The following ZNF350 variants were observed in gnomAD, a reference collection of about 807,000 sequenced individuals.
ZNF350 encodes the protein KRAB zinc finger protein ZFQR.
ZNF350 carries 5 observed loss-of-function variants against 13.1 expected under a neutral mutation model. The ratio of observed to expected loss-of-function variants is 0.38; its 90% CI spans 0.20 to 0.80. The LOEUF (loss-of-function observed/expected upper bound fraction) is 0.80. Ranked by LOEUF, ZNF350 falls within the 30% of genes least tolerant of loss-of-function variation. The pLI, the probability that ZNF350 is intolerant of heterozygous loss-of-function variation, is 0.43. For missense variants in ZNF350, 534 were observed against 644.2 expected (o/e 0.83, Z 1.85); for synonymous variants, 199 against 224.2 (o/e 0.89, Z 1.00).
At chr19:51,972,293 TAAAA>T (rs748068937) in intron 2 of ZNF350, among the ~76,000 whole-genome samples, 4 of 106,208 alleles carry the variant, frequency 3.8e-5, no homozygotes, top group Non-Finnish European at 8.2e-5. Context: ...CCATCTCAAT[TAAAA>T]AAAAAAAAAA....
chr19:51,974,036 G>A (rs777327177), intron 2 of ZNF350: 6 of 249,536 alleles, frequency 2.4e-5, no homozygotes, highest in Non-Finnish European at 4.7e-5. Flanking sequence ...GACATACCAT[G>A]TAAATTATGA....
chr19:51,984,240 A>AC (rs1032954104), intron 1 of ZNF350: 1 of 151,418 alleles, frequency 6.6e-6, no homozygotes, highest in African/African-American at 2.4e-5. Context: ...GAAAGTTAAA[A>AC]CCCCCCTCAC....
chr19:51,975,242 G>A (rs989817704), intron 1 of ZNF350, among the ~76,000 whole-genome samples: 12 of 152,056 alleles, frequency 7.9e-5, no homozygotes, highest in African/African-American at 2.9e-4. Context: ...GCCGAGGCGG[G>A]TGGATCACCT....
At chr19:51,967,989 G>T (rs2085626654) in intron 4 of ZNF350, among the ~76,000 whole-genome samples, 1 of 152,304 alleles carries the variant, frequency 6.6e-6, no homozygotes, top group Non-Finnish European at 1.5e-5. Context: ...GGAGCGGAAG[G>T]AGTTTAAACT....
chr19:51,965,587 G>C lies in ZNF350; in HGVS notation c.866C>G (p.Pro289Arg). Reference sequence around the variant, plus strand: ...TTTTCCACATTCACTGCATATATAGGGTTTCTCTCCGGTATGTGTTTTCTG... The same window carrying C: ...TTTTCCACATTCACTGCATATATAGCGTTTCTCTCCGGTATGTGTTTTCTG... ...IHQKTHTGEK[P>R]YICSECGKGF... The change falls in exon 5 of 5, where the codon CCC becomes CGC. Residue 289 changes from proline (P) to arginine (R), a missense_variant. Coordinates refer to ENST00000243644, the MANE Select transcript of ZNF350 (RefSeq NM_021632.4). 3 of 1,614,062 alleles carry C rather than the reference G, an allele frequency of 1.9e-6. No individual in the cohort carries two copies. The highest frequency in any genetic ancestry group is 2.5e-6 in the Non-Finnish European group (3 of 1,180,020).
chr19:51,970,592 C>A (rs1047897659), intron 2 of ZNF350, among the ~76,000 whole-genome samples: 5 of 152,108 alleles, frequency 3.3e-5, no homozygotes, highest in African/African-American at 9.7e-5. Flanking sequence ...ATCCAGGCCT[C>A]CTATTTTTCT....
At position 51,965,836 on chromosome 19, in the gene ZNF350, T is replaced by C; in HGVS notation, c.617A>G (p.His206Arg). The stretch of plus-strand genomic sequence containing the variant: ...GGCTTTCCCACATTCACTGCACACA[T>C]GATGCTTCTCTAATTTTCGTGTTTT... Reference protein sequence around the residue: ...HQKTRKLEKHHVCSECGKAFI... With the variant: ...HQKTRKLEKHRVCSECGKAFI... The change falls in exon 5 of 5, where the codon CAT becomes CGT. Residue 206 changes from histidine (H) to arginine (R), a missense_variant. Physicochemically the swap from His to Arg is conservative, Grantham distance 29. Coordinates refer to ENST00000243644, the MANE Select transcript of ZNF350 (RefSeq NM_021632.4). 1 of 1,614,176 alleles carries C rather than the reference T, an allele frequency of 6.2e-7. No individual in the cohort carries two copies. Among genetic ancestry groups the C allele is most frequent in the Non-Finnish European group, 8.5e-7 (1 of 1,180,032 alleles).
chr19:51,967,025 T>TC (rs1346121553), intron 4 of ZNF350, among the ~76,000 whole-genome samples: 3 of 152,106 alleles, frequency 2.0e-5, no homozygotes, highest in Admixed American at 2.0e-4. Flanking sequence ...TAAATAAAAC[T>TC]CCATGTTTAA....
At chr19:51,973,203 C>T (rs1366231111) in intron 2 of ZNF350, 1 of 152,144 alleles carries the variant, frequency 6.6e-6, no homozygotes, top group Non-Finnish European at 1.5e-5. Flanking sequence ...ACCTCGGTCT[C>T]CCAAAGTGCT....
chr19:51,969,208 T>G, intron 2 of ZNF350, 77 bp from the exon 3 acceptor site: 1 of 1,564,290 alleles, frequency 6.4e-7, no homozygotes, highest in Non-Finnish European at 8.7e-7. Context: ...TTCTGCTCAT[T>G]TCCACTCTAC....
Position 51,968,615 on chromosome 19 carries a change from C to A in ZNF350, c.201G>T (p.Trp67Cys). 1 of 1,614,092 alleles carries A rather than the reference C, an allele frequency of 6.2e-7. No individual in the cohort carries two copies. Among genetic ancestry groups the A allele is most frequent in the Non-Finnish European group, 8.5e-7 (1 of 1,180,026 alleles). The change falls in exon 4 of 5, where the codon TGG becomes TGT. Residue 67 changes from tryptophan (W) to cysteine (C), a missense_variant. Trp to Cys is a radical substitution (Grantham distance 215). Coordinates refer to ENST00000243644, the MANE Select transcript of ZNF350 (RefSeq NM_021632.4). ...CACTGTGGATTCCATCTTCAATTGTCCACAGTTGTTCTCCTTGTTCCAACT... is the reference window on the plus strand; with the variant it reads ...CACTGTGGATTCCATCTTCAATTGTACACAGTTGTTCTCCTTGTTCCAACT... ...LFKLEQGEQLWTIEDGIHSGA... is the reference protein window; with the variant it reads ...LFKLEQGEQLCTIEDGIHSGA...
chr19:51,982,505 A>T (rs1421434417), intron 1 of ZNF350, among the ~76,000 whole-genome samples: 3 of 152,230 alleles, frequency 2.0e-5, no homozygotes, highest in African/African-American at 7.2e-5. Context: ...ATATATTTTT[A>T]AAATTAGATT....
intron 2 of ZNF350, 108 bp from the exon 3 acceptor site, chr19:51,969,239 A>G (rs2085664278): frequency 2.2e-6 from 3 of 1,363,284 alleles, no homozygotes; most frequent in African/African-American, 3.0e-5. Context: ...CATATACCAA[A>G]TAGTTTTTTT....
intron 4 of ZNF350, among the ~76,000 whole-genome samples, chr19:51,966,469 A>AAAATT (rs2085577866): frequency 6.6e-6 from 1 of 151,424 alleles, no homozygotes; most frequent in Non-Finnish European, 1.5e-5. Flanking sequence ...GTTTTACTAC[A>AAAATT]GACGGGGTCT....
At chr19:51,971,440 C>A (rs1209532740) in intron 2 of ZNF350, among the ~76,000 whole-genome samples, 2 of 152,208 alleles carry the variant, frequency 1.3e-5, no homozygotes, top group African/African-American at 4.8e-5. Context: ...AGCCAAAGGT[C>A]CGTGGGACGT....
chr19:51,971,822 C>A (rs1231103316), intron 2 of ZNF350, among the ~76,000 whole-genome samples: 1 of 152,172 alleles, frequency 6.6e-6, no homozygotes, highest in Non-Finnish European at 1.5e-5. Context: ...GTTCAGTCCC[C>A]CTAGGTCTGT....
In ZNF350 at chr19:51,965,019, G is replaced by A. The variant is rs377284729; in HGVS notation, c.1434C>T (p.Leu478=). The A allele has an allele frequency of 1.7e-5, 28 of 1,614,192 alleles. No homozygotes were observed. The African/African-American group carries it at 3.3e-4, about 19-fold the overall frequency. The change falls in exon 5 of 5, where the codon CTC becomes CTT. Residue 478 remains leucine (L), a synonymous_variant. Transcript: ENST00000243644. ...APQTSLNISG[L]LANRNVVLVG... Reference sequence around the variant, plus strand: ...CAAGGACTACGTTCCTGTTTGCGAGGAGGCCGCTGATGTTTAATGATGTCT... The same window carrying A: ...CAAGGACTACGTTCCTGTTTGCGAGAAGGCCGCTGATGTTTAATGATGTCT...
chr19:51,964,576 A>G lies in ZNF350; in HGVS notation c.*278T>C, dbSNP rs899108218. On this transcript the variant is annotated 3_prime_UTR_variant, in exon 5 of 5. Coordinates refer to ENST00000243644, the MANE Select transcript of ZNF350 (RefSeq NM_021632.4). ...AGTCACTGCAACACTCCCGACACCA[A>G]TTATCTCATCTGTTTTAAAAATTCA... The G allele has an allele frequency of 4.4e-6, 2 of 458,770 alleles. No individual in the cohort carries two copies. The highest frequency in any genetic ancestry group is 4.0e-5 in the African/African-American group (2 of 50,524). 28.4% of individuals were successfully genotyped at this position (458,770 alleles called of 1,614,324 possible).
In ZNF350 at chr19:51,974,474, C is replaced by G. The variant is rs991902847; in HGVS notation, c.-114G>C. On this transcript the variant is annotated 5_prime_UTR_variant, in exon 2 of 5. Coordinates refer to ENST00000243644, the MANE Select transcript of ZNF350 (RefSeq NM_021632.4). The stretch of plus-strand genomic sequence containing the variant: ...CAAGTGTGCCCCAAGAAATGGTGAA[C>G]CCCAAATCCACTTCCTCCCTCTTCA... 21 of 1,284,352 alleles carry G rather than the reference C, an allele frequency of 1.6e-5. No individual in the cohort carries two copies. Among genetic ancestry groups the G allele is most frequent in the Middle Eastern group, 1.9e-4 (1 of 5,254 alleles). 79.6% of individuals were successfully genotyped at this position (1,284,352 alleles called of 1,614,324 possible). A position where few individuals can be genotyped will look rare whatever the true frequency, so the allele number is the denominator to read the frequency against.
Sources: allele counts gnomAD v4.1 joint callset (sites outside exome capture counted in the v4.1 genomes callset), GRCh38; gene constraint gnomAD v4.1.1; transcripts MANE v1.5; gene names NCBI Gene and HGNC (gene_info 2026-07-23, HGNC 2026-07-21).